The following LRRC53 variants were observed in gnomAD, a reference collection of about 807,000 sequenced individuals.
LRRC53 encodes leucine-rich repeat-containing protein 53.
In LRRC53, 25 loss-of-function variants were observed where a neutral mutation model predicts 13.6. The observed-to-expected ratio is 1.83, with a 90% CI of 1.34 to 2.56. The LOEUF (loss-of-function observed/expected upper bound fraction) is 2.56. LRRC53 is among the 30% of genes most tolerant of loss of function. The pLI is 0.00. For synonymous variants in LRRC53, 204 were observed against 109.8 expected, an observed-to-expected ratio of 1.86 and a Z score of -5.37; for missense variants, 527 against 275.8, an observed-to-expected ratio of 1.91 and a Z score of -6.45.
the LRRC53 span, among the ~76,000 whole-genome samples, chr1:74,535,969 A>C: frequency 6.6e-6 from 1 of 152,210 alleles, no homozygotes; most frequent in Non-Finnish European, 1.5e-5. Context: ...AAAATAATAA[A>C]GTAAATCTAG....
chr1:74,478,250 A>T (rs1301970203), intron 3 of LRRC53, among the ~76,000 whole-genome samples: 1 of 152,226 alleles, frequency 6.6e-6, no homozygotes, highest in African/African-American at 2.4e-5. Context: ...CTACAATTTA[A>T]CAATTATTTG....
At chr1:74,532,489 T>A in the LRRC53 span, among the ~76,000 whole-genome samples, 1 of 152,094 alleles carries the variant, frequency 6.6e-6, no homozygotes, top group Non-Finnish European at 1.5e-5. Flanking sequence ...TTTATTATTA[T>A]TATACTTTAA....
chr1:74,489,314 T>G (rs1668926499), intron 1 of LRRC53: 1 of 1,529,080 alleles, frequency 6.5e-7, no homozygotes, highest in African/African-American at 1.4e-5. Flanking sequence ...TGTCAGGGAA[T>G]GTAGATGAGC....
upstream of LRRC53, among the ~76,000 whole-genome samples, chr1:74,516,917 G>T (rs1646356646): frequency 6.6e-6 from 1 of 152,130 alleles, no homozygotes; most frequent in South Asian, 2.1e-4. Flanking sequence ...CTACATGATA[G>T]ACAGTATTTT....
the LRRC53 span, among the ~76,000 whole-genome samples, chr1:74,533,318 C>T: frequency 3.9e-5 from 6 of 152,114 alleles, no homozygotes; most frequent in African/African-American, 9.7e-5. Context: ...AAAATGCTCA[C>T]CATCACTGGC....
At chr1:74,512,170 G>A (rs1331409210) in intron 1 of LRRC53, among the ~76,000 whole-genome samples, 1 of 152,190 alleles carries the variant, frequency 6.6e-6, no homozygotes, top group East Asian at 1.9e-4. Flanking sequence ...TCGAACCTGT[G>A]AGGGACCATA....
intron 2 of LRRC53, 107 bp downstream of exon 2, chr1:74,483,155 G>C (rs1668586807): frequency 3.2e-6 from 2 of 629,476 alleles, no homozygotes. Context: ...TCATTAAAGG[G>C]TTACCTCTTA....
chr1:74,501,518 G>T (rs986704180), intron 1 of LRRC53, among the ~76,000 whole-genome samples: 62 of 137,686 alleles, frequency 4.5e-4, no homozygotes, highest in African/African-American at 1.6e-3. Context: ...TTTGAGACTG[G>T]CTCTGTCACC....
At chr1:74,498,791 T>A (rs1325320050) in intron 1 of LRRC53, among the ~76,000 whole-genome samples, 1 of 152,166 alleles carries the variant, frequency 6.6e-6, no homozygotes, top group East Asian at 1.9e-4. Flanking sequence ...AAGGATAGAA[T>A]ATAGGTGACT....
At chr1:74,491,974 G>A in intron 1 of LRRC53, 1 of 1,337,864 alleles carries the variant, frequency 7.5e-7, no homozygotes, top group Non-Finnish European at 9.8e-7. Flanking sequence ...CCAGGAGCAA[G>A]CTGAGTGAAT....
chr1:74,503,419 T>G (rs188613455), intron 1 of LRRC53, among the ~76,000 whole-genome samples: 149 of 152,356 alleles, frequency 9.8e-4, no homozygotes, highest in African/African-American at 3.3e-3. Flanking sequence ...TAGTGCTTAT[T>G]GGAACATTAT....
At chr1:74,518,026 A>G in the LRRC53 span, among the ~76,000 whole-genome samples, 1 of 152,174 alleles carries the variant, frequency 6.6e-6, no homozygotes, top group Non-Finnish European at 1.5e-5. Flanking sequence ...TTTTTGAGCA[A>G]GCGATGACCT....
chr1:74,527,887 G>A, the LRRC53 span, among the ~76,000 whole-genome samples: 3 of 152,186 alleles, frequency 2.0e-5, no homozygotes, highest in South Asian at 4.1e-4. Context: ...TCTATGTGGT[G>A]GATGGGAGTG....
intron 3 of LRRC53, among the ~76,000 whole-genome samples, chr1:74,478,271 T>C (rs1668303794): frequency 1.3e-5 from 2 of 152,196 alleles, no homozygotes; most frequent in Admixed American, 6.5e-5. Flanking sequence ...ATGAAAGATA[T>C]ATTAGTATGA....
chr1:74,522,011 A>G, the LRRC53 span, among the ~76,000 whole-genome samples: 2 of 152,146 alleles, frequency 1.3e-5, no homozygotes, highest in African/African-American at 4.8e-5. Flanking sequence ...CAGATGAGGG[A>G]GATATATCAA....
At chr1:74,486,952 C>A (rs1668799465) in intron 1 of LRRC53, among the ~76,000 whole-genome samples, 1 of 151,944 alleles carries the variant, frequency 6.6e-6, no homozygotes, top group African/African-American at 2.4e-5. Context: ...ATCTTTGTAA[C>A]CTTGACAAGG....
At chr1:74,516,276 C>T (rs1646347053), upstream of LRRC53, among the ~76,000 whole-genome samples, 1 of 152,132 alleles carries the variant, frequency 6.6e-6, no homozygotes, top group Non-Finnish European at 1.5e-5. Flanking sequence ...TTTGTTTGTT[C>T]ACTCATCTGC....
chr1:74,493,207 A>G (rs45600040), intron 1 of LRRC53, among the ~76,000 whole-genome samples: 27 of 152,284 alleles, frequency 1.8e-4, no homozygotes, highest in African/African-American at 6.3e-4. Flanking sequence ...GGGGATAGGG[A>G]GGAGGGAGAA....
intron 3 of LRRC53, among the ~76,000 whole-genome samples, chr1:74,476,074 T>C (rs1013095435): frequency 6.6e-5 from 10 of 152,162 alleles, no homozygotes; most frequent in African/African-American, 2.4e-4. Flanking sequence ...AAAGGCTGTT[T>C]CATGAACTGA....
Sources: gnomAD v4.1 joint callset for allele counts (sites outside exome capture counted in the v4.1 genomes callset) on GRCh38, gnomAD v4.1.1 for gene constraint, MANE v1.5 for transcripts, NCBI Gene and HGNC (gene_info 2026-07-23, HGNC 2026-07-21) for gene names.